IGF2BP1: variants seen among roughly 807,000 people sequenced by gnomAD.
IGF2BP1 encodes insulin like growth factor 2 mRNA binding protein 1.
A neutral mutation model predicts 74.9 loss-of-function variants in IGF2BP1; 11 were observed. That is an observed-to-expected ratio of 0.15 (90% confidence interval 0.09 to 0.24). The LOEUF (loss-of-function observed/expected upper bound fraction) is 0.24, where lower values mean the gene tolerates loss of function less well. Among genes scored for constraint, IGF2BP1 ranks in the 10% least tolerant of loss-of-function variants. IGF2BP1 has a pLI of 1.00. For missense variants in IGF2BP1, 440 were observed against 757.4 expected, an observed-to-expected ratio of 0.58 and a Z score of 4.92; for synonymous variants, 287 against 281.8, an observed-to-expected ratio of 1.02 and a Z score of -0.18.
chr17:49,038,209 C>T lies in IGF2BP1; in HGVS notation c.443C>T (p.Ala148Val). Reference sequence around the variant, plus strand: ...AATGGCCACCAGTTGGAGAACCATGCCCTGAAGGTCTCCTACATCCCCGAT... The same window carrying T: ...AATGGCCACCAGTTGGAGAACCATGTCCTGAAGGTCTCCTACATCCCCGAT... ...KLNGHQLENH[A>V]LKVSYIPDEQ... is the part of the protein sequence containing the mutation. Residue 148 changes from alanine to valine, a missense_variant, in exon 6 of 15, where the codon GCC becomes GTC. Physicochemically the swap from Ala to Val is moderately conservative, Grantham distance 64. Around this residue, in one of 5 missense-constraint regions of IGF2BP1, gnomAD observed 105 missense variants for 199.4 expected, o/e 0.53. Coordinates refer to ENST00000290341, the MANE Select transcript of IGF2BP1 (RefSeq NM_006546.4). 6.5e-7 allele frequency: 1 copy of T among 1,542,804 alleles called. No homozygotes were observed.
At position 48,997,715 on chromosome 17, in the gene IGF2BP1, C is replaced by T. The variant is rs201955568; in HGVS notation, c.-31C>T. ...CCGCGCCCGCTCGTTCGGCCTTGCCCGGGACCGCGTCCTGCCCCGAGACCG... is the reference window on the plus strand; with the variant it reads ...CCGCGCCCGCTCGTTCGGCCTTGCCTGGGACCGCGTCCTGCCCCGAGACCG... On this transcript the variant is annotated 5_prime_UTR_variant, in exon 1 of 15. Transcript: ENST00000290341. The surrounding 1 kb of genome is among the most constrained non-coding windows in gnomAD (Gnocchi z 4.8). The T allele has an allele frequency of 1.9e-6, 3 of 1,604,172 alleles. No homozygotes were observed. In the South Asian group the frequency reaches 3.4e-5, roughly 18 times the overall value.
Position 48,997,727 on chromosome 17 carries a change from C to G in IGF2BP1, c.-19C>G. 1 of 1,609,804 alleles carries G rather than the reference C, an allele frequency of 6.2e-7. No individual in the cohort carries two copies. The highest frequency in any genetic ancestry group is 8.5e-7 in the Non-Finnish European group (1 of 1,177,486). On this transcript the variant is annotated 5_prime_UTR_variant, in exon 1 of 15. Transcript: ENST00000290341. This position sits in a 1 kb window ranked among gnomAD's most constrained non-coding sequence, Gnocchi z 4.8. Reference sequence around the variant, plus strand: ...GTTCGGCCTTGCCCGGGACCGCGTCCTGCCCCGAGACCGCCACCATGAACA... The same window carrying G: ...GTTCGGCCTTGCCCGGGACCGCGTCGTGCCCCGAGACCGCCACCATGAACA...
intron 11 of IGF2BP1, among the ~76,000 whole-genome samples, chr17:49,044,424 C>T (rs1436361467): frequency 3.9e-5 from 6 of 152,188 alleles, no homozygotes; most frequent in African/African-American, 1.4e-4. Flanking sequence ...CTTTCCTCGT[C>T]AGTACAATAT....
At chr17:49,015,313 A>G (rs2041683991) in intron 2 of IGF2BP1, among the ~76,000 whole-genome samples, 1 of 152,134 alleles carries the variant, frequency 6.6e-6, no homozygotes, top group South Asian at 2.1e-4. Flanking sequence ...AGAGGCTGGC[A>G]TCTCCACCGG....
At position 49,038,449 on chromosome 17, in the gene IGF2BP1, A is replaced by G. The variant is rs761394589; in HGVS notation, c.683A>G (p.Lys228Arg). The G allele has an allele frequency of 1.7e-5, 25 of 1,505,012 alleles. No homozygotes were observed. The highest frequency in any genetic ancestry group is 1.9e-5 in the Non-Finnish European group (21 of 1,120,918). 93.2% of individuals were successfully genotyped at this position (1,505,012 alleles called of 1,614,324 possible). ...AACATCACAAAACAGACCCAGTCCA[A>G]GTGAGTCTTGGCTCTTGGGGAATGG... ...IRNITKQTQS[K>R]IDVHRKENAG... Residue 228 changes from lysine (K) to arginine (R), a missense_variant and splice_region_variant, in exon 6 of 15, where the codon AAG (lysine) becomes AGG (arginine). By Grantham distance (26) the Lys-to-Arg change is conservative. Around this residue, in one of 5 missense-constraint regions of IGF2BP1, gnomAD observed 184 missense variants for 273.4 expected, o/e 0.67. Coordinates refer to ENST00000290341, the MANE Select transcript of IGF2BP1 (RefSeq NM_006546.4).
chr17:49,053,472 ATTGGTCTGT>A lies in IGF2BP1; in HGVS notation c.*4029_*4037del, dbSNP rs1242732709. On this transcript the variant is annotated 3_prime_UTR_variant, in exon 15 of 15. Transcript: ENST00000290341. ...AAGCCAAGGGGTAGGGAGCCGAGAA[ATTGGTCTGT>A]CGGCTCCTGGTTGCACTTTGGGGAA... is the stretch of plus-strand genomic sequence containing the variant. 1 of 152,784 alleles carries A rather than the reference ATTGGTCTGT, an allele frequency of 6.5e-6. No homozygotes were observed. Among genetic ancestry groups the A allele is most frequent in the Non-Finnish European group, 1.5e-5 (1 of 68,180 alleles). 9.5% of individuals were successfully genotyped at this position (152,784 alleles called of 1,614,324 possible).
In IGF2BP1 at chr17:49,049,482, C is replaced by T. The variant is rs774165365; in HGVS notation, c.*38C>T. 55 of 1,570,160 alleles carry T rather than the reference C, an allele frequency of 3.5e-5. 1 individual carries two copies. In the Middle Eastern group the frequency reaches 5.3e-4, roughly 15 times the overall value. On this transcript the variant is annotated 3_prime_UTR_variant, in exon 15 of 15. Coordinates refer to ENST00000290341, the MANE Select transcript of IGF2BP1 (RefSeq NM_006546.4). ...TGTCCCTTCGAGTCCAGGACAACAA[C>T]GGGCAGAAATCGAGAGTGTGCTCTC...
intron 2 of IGF2BP1, among the ~76,000 whole-genome samples, chr17:49,001,320 A>T (rs568835703): frequency 1.3e-5 from 2 of 152,180 alleles, no homozygotes; most frequent in Non-Finnish European, 2.9e-5. Context: ...CAAAATGAAC[A>T]ACTATACAAA....
At chr17:49,049,089 T>C (rs1210757433) in intron 14 of IGF2BP1, among the ~76,000 whole-genome samples, 1 of 152,104 alleles carries the variant, frequency 6.6e-6, no homozygotes, top group Non-Finnish European at 1.5e-5. Context: ...ATACTACTGT[T>C]TCTCCTTCCT....
chr17:49,005,539 T>C (rs1023538786), intron 2 of IGF2BP1, among the ~76,000 whole-genome samples: 3 of 152,086 alleles, frequency 2.0e-5, no homozygotes, highest in East Asian at 3.9e-4. Context: ...GTGTCTGATA[T>C]GGGATGGCTG....
At chr17:49,044,207 C>G (rs751168579) in intron 11 of IGF2BP1, 121 bp downstream of exon 11, 1 of 1,357,826 alleles carries the variant, frequency 7.4e-7, no homozygotes, top group African/African-American at 1.5e-5. Flanking sequence ...TATGAGGGAC[C>G]TTTCCCCCAT....
chr17:49,037,616 G>A (rs2042004865), intron 5 of IGF2BP1, among the ~76,000 whole-genome samples: 1 of 152,142 alleles, frequency 6.6e-6, no homozygotes, highest in Admixed American at 6.5e-5. Context: ...CACTTCATTA[G>A]GGCAGGATTA....
intron 2 of IGF2BP1, among the ~76,000 whole-genome samples, chr17:49,008,516 G>A (rs1463842078): frequency 1.3e-5 from 2 of 152,210 alleles, no homozygotes; most frequent in Non-Finnish European, 2.9e-5. Flanking sequence ...AGGTGGAACA[G>A]AATGATCTTC....
In IGF2BP1 at chr17:49,052,205, TA is replaced by T; in HGVS notation, c.*2766del. 6.6e-6 allele frequency: 1 copy of T among 152,286 alleles called. No homozygotes were observed. Among genetic ancestry groups the T allele is most frequent in the African/African-American group, 2.4e-5 (1 of 41,558 alleles). The allele number at this position is 152,286 out of a possible 1,614,324, so 9.4% of individuals were successfully genotyped here. Reference sequence around the variant, plus strand: ...TAAGCCTCTCCACCTGTCCCAACCATAAAAAGGGTCTCCCAGCTTTCCATCT... The same window carrying T: ...TAAGCCTCTCCACCTGTCCCAACCATAAAAGGGTCTCCCAGCTTTCCATCT... On this transcript the variant is annotated 3_prime_UTR_variant, in exon 15 of 15. Transcript: ENST00000290341.
rs62078410 is a variant in IGF2BP1 at position 49,055,486 on chromosome 17, G to A, written c.*6042G>A. On this transcript the variant is annotated 3_prime_UTR_variant, in exon 15 of 15. Coordinates refer to ENST00000290341, the MANE Select transcript of IGF2BP1 (RefSeq NM_006546.4). ...CCAGGAATAAAGGCTTTGTTTTGGG[G>A]ATGCTTAAATCTTGACTGGCACTTC... 0.029 allele frequency: 11,451 copies of A among 392,134 alleles called. 303 individuals are homozygous for A. The highest frequency in any genetic ancestry group is 0.098 in the East Asian group (2,708 of 27,668). 24.3% of individuals were successfully genotyped at this position (392,134 alleles called of 1,614,324 possible). A position where few individuals can be genotyped will look rare whatever the true frequency, so the allele number is the denominator to read the frequency against.
At chr17:49,032,407 A>G (rs1302212453) in intron 5 of IGF2BP1, among the ~76,000 whole-genome samples, 1 of 152,074 alleles carries the variant, frequency 6.6e-6, no homozygotes, top group East Asian at 1.9e-4. Context: ...ATGCTGGGAC[A>G]TTTTATTGCA....
At chr17:49,030,074 A>G (rs1163813113) in intron 4 of IGF2BP1, among the ~76,000 whole-genome samples, 2 of 152,016 alleles carry the variant, frequency 1.3e-5, no homozygotes, top group Non-Finnish European at 2.9e-5. Flanking sequence ...TTCCCCTGGA[A>G]AACATGCAAA....
intron 2 of IGF2BP1, among the ~76,000 whole-genome samples, chr17:49,008,153 C>T (rs931278905): frequency 7.4e-6 from 1 of 134,350 alleles, no homozygotes; most frequent in East Asian, 2.2e-4. Flanking sequence ...GCCTGGGTGA[C>T]AAGAGTGAAA....
At chr17:48,996,636 C>A (rs904637391), upstream of IGF2BP1, 6 of 152,452 alleles carry the variant, frequency 3.9e-5, no homozygotes, top group Non-Finnish European at 8.8e-5. Context: ...CATCTCCGGC[C>A]AGTTCCGCGT....
Sources: gnomAD v4.1 joint callset for allele counts (sites outside exome capture counted in the v4.1 genomes callset) on GRCh38, gnomAD v4.1.1 for gene constraint, gnomAD v4.1.1 regional missense constraint, Gnocchi (gnomAD v3.1) non-coding constraint, MANE v1.5 for transcripts, NCBI Gene and HGNC (gene_info 2026-07-23, HGNC 2026-07-21) for gene names.